Variants in SLC2A7 observed in about 807,000 individuals in gnomAD.
SLC2A7 encodes solute carrier family 2 member 7, also known as solute carrier family 2, facilitated glucose transporter member 7.
SLC2A7 carries 50 observed loss-of-function variants against 50.5 expected under a neutral mutation model. The ratio of observed to expected loss-of-function variants is 0.99; its 90% CI spans 0.79 to 1.25. The LOEUF (loss-of-function observed/expected upper bound fraction) is 1.25, where lower values mean the gene tolerates loss of function less well. Ranked by LOEUF, SLC2A7 falls within the 50% of genes most tolerant of loss-of-function variation. The pLI is 0.00. For synonymous variants in SLC2A7, 308 were observed against 300.4 expected, an observed-to-expected ratio of 1.03 and a Z score of -0.26; for missense variants, 683 against 679.1, an observed-to-expected ratio of 1.01 and a Z score of -0.06.
At chr1:8,995,316 C>T in the SLC2A7 span, among the ~76,000 whole-genome samples, 23,568 of 151,222 alleles carry the variant, frequency 0.16, 1,951 homozygotes, top group Middle Eastern at 0.29. Context: ...GGCATGGTGG[C>T]GGGCGCCTGT....
chr1:8,992,744 T>C, the SLC2A7 span, among the ~76,000 whole-genome samples: 1 of 151,710 alleles, frequency 6.6e-6, no homozygotes, highest in African/African-American at 2.4e-5. Context: ...GGATCCAGAG[T>C]GTGGCATCAG....
rs1557652236 is a variant in SLC2A7 at position 9,019,350 on chromosome 1, CCCAGAGGGCAGGGGTG to C, written c.312-33_312-18del. The stretch of plus-strand genomic sequence containing the variant: ...GTCCCCTTTCTGCAAAGACAGTGAG[CCCAGAGGGCAGGGGTG>C]CGTGGAGGCCGCGGAAGCCCTCCCA... On this transcript the variant is annotated intron_variant, in intron 3 of 11. Coordinates refer to ENST00000400906, the MANE Select transcript of SLC2A7 (RefSeq NM_207420.3). The C allele has an allele frequency of 6.2e-7, 1 of 1,613,218 alleles. No individual in the cohort carries two copies. The highest frequency in any genetic ancestry group is 2.2e-5 in the East Asian group (1 of 44,862).
intron 5 of SLC2A7, among the ~76,000 whole-genome samples, chr1:9,016,702 A>C (rs1302973835): frequency 6.6e-6 from 1 of 152,068 alleles, no homozygotes; most frequent in Non-Finnish European, 1.5e-5. Context: ...GAAGGAAAAC[A>C]AAAAGGAAAG....
intron 9 of SLC2A7, among the ~76,000 whole-genome samples, chr1:9,007,961 C>T (rs2039631): frequency 0.13 from 19,701 of 151,914 alleles, 2,165 homozygotes; most frequent in African/African-American, 0.3. Context: ...GAATACAGAC[C>T]ATGAGGAACC....
chr1:8,995,236 C>T, the SLC2A7 span, among the ~76,000 whole-genome samples: 2 of 151,288 alleles, frequency 1.3e-5, no homozygotes, highest in African/African-American at 4.9e-5. Flanking sequence ...ATCACGAGAT[C>T]AGGAGATCGA....
intron 2 of SLC2A7, among the ~76,000 whole-genome samples, chr1:9,024,495 A>G (rs1311617250): frequency 6.6e-6 from 1 of 152,218 alleles, no homozygotes; most frequent in Non-Finnish European, 1.5e-5. Context: ...TCATCAGCAC[A>G]GGCTGTCCCT....
Position 9,018,215 on chromosome 1 carries a change from C to T in SLC2A7, c.589+8G>A. ...GGACCTAGCGTGACCTCTGCGGCTGCCGGTTACCTGCCGGGTTGCCCAAGA... is the reference window on the plus strand; with the variant it reads ...GGACCTAGCGTGACCTCTGCGGCTGTCGGTTACCTGCCGGGTTGCCCAAGA... On this transcript the variant is annotated splice_region_variant and intron_variant, in intron 5 of 11. Transcript: ENST00000400906. 1 of 1,613,990 alleles carries T rather than the reference C, an allele frequency of 6.2e-7. No individual in the cohort carries two copies. The highest frequency in any genetic ancestry group is 8.5e-7 in the Non-Finnish European group (1 of 1,179,978).
chr1:9,000,280 C>T (rs1396533574), downstream of SLC2A7, among the ~76,000 whole-genome samples: 1 of 152,048 alleles, frequency 6.6e-6, no homozygotes, highest in Admixed American at 6.6e-5. Context: ...CCATGATTGC[C>T]ACTGCACTCC....
At chr1:9,011,967 C>A (rs1640756768) in intron 8 of SLC2A7, among the ~76,000 whole-genome samples, 1 of 151,930 alleles carries the variant, frequency 6.6e-6, no homozygotes. Flanking sequence ...CCAGGCTGGT[C>A]TCGAACTCCT....
At chr1:9,018,419 G>A (rs770199284) in intron 4 of SLC2A7, 44 bp from the exon 5 acceptor site, 19 of 1,609,080 alleles carry the variant, frequency 1.2e-5, no homozygotes, top group Middle Eastern at 1.7e-4. Flanking sequence ...AACCGCAAAC[G>A]CAGAATCTGA....
chr1:9,003,496 A>C lies in SLC2A7; in HGVS notation c.1343T>G (p.Phe448Cys). The C allele has an allele frequency of 6.2e-7, 1 of 1,614,218 alleles. No individual in the cohort carries two copies. Among genetic ancestry groups the C allele is most frequent in the South Asian group, 1.1e-5 (1 of 91,090 alleles). ...SIQEAIGAYS[F>C]IIFAGICLLT... ...GAGGCAGATTCCGGCAAAGATGATGAAACTGTAGGCACCGATGGCCTCCTA... is the reference window on the plus strand; with the variant it reads ...GAGGCAGATTCCGGCAAAGATGATGCAACTGTAGGCACCGATGGCCTCCTA... The change falls in exon 12 of 12, where the codon TTC becomes TGC. Residue 448 changes from phenylalanine to cysteine, a missense_variant. Physicochemically the swap from Phe to Cys is radical, Grantham distance 205 (BLOSUM62 -2). Transcript: ENST00000400906.
chr1:8,997,951 T>A, the SLC2A7 span, among the ~76,000 whole-genome samples: 2 of 152,216 alleles, frequency 1.3e-5, no homozygotes, highest in East Asian at 3.8e-4. Flanking sequence ...AGTTTTATAA[T>A]TTAAGGTTTT....
chr1:9,010,118 C>T (rs1426411493), intron 9 of SLC2A7, 25 bp downstream of exon 9: 13 of 1,549,680 alleles, frequency 8.4e-6, no homozygotes, highest in South Asian at 1.2e-5. Context: ...ACTCCCCACC[C>T]AGGGGGCAGG....
chr1:9,004,646 G>A, intron 11 of SLC2A7, 106 bp downstream of exon 11: 2 of 1,410,760 alleles, frequency 1.4e-6, no homozygotes, highest in Non-Finnish European at 9.8e-7. Flanking sequence ...GTGTCTGAGA[G>A]CCTGTCCCCA....
chr1:9,004,677 T>C (rs1023425422), intron 11 of SLC2A7, 75 bp downstream of exon 11: 49 of 1,558,772 alleles, frequency 3.1e-5, no homozygotes, highest in Non-Finnish European at 4.2e-5. Context: ...TTCACAGATG[T>C]GCTTAGCGGA....
At chr1:9,016,595 T>G (rs1569800063) in intron 5 of SLC2A7, among the ~76,000 whole-genome samples, 1 of 131,426 alleles carries the variant, frequency 7.6e-6, no homozygotes, top group African/African-American at 2.9e-5. Flanking sequence ...GGTGACAGAG[T>G]GAGACCAGGA....
intron 3 of SLC2A7, among the ~76,000 whole-genome samples, chr1:9,020,621 G>A (rs1225418578): frequency 6.7e-6 from 1 of 150,168 alleles, no homozygotes; most frequent in Non-Finnish European, 1.5e-5. Flanking sequence ...CCAGAAAGAG[G>A]GCAGAGAGCT....
At chr1:9,009,549 C>A (rs1640711343) in intron 9 of SLC2A7, among the ~76,000 whole-genome samples, 1 of 152,198 alleles carries the variant, frequency 6.6e-6, no homozygotes, top group Non-Finnish European at 1.5e-5. Flanking sequence ...CTTGACCTCC[C>A]AGGCTCAGGT....
the SLC2A7 span, among the ~76,000 whole-genome samples, chr1:8,995,100 G>A: frequency 1.3e-5 from 2 of 150,814 alleles, no homozygotes; most frequent in South Asian, 2.1e-4. Context: ...AAGGTCACAC[G>A]TCTCCCCACC....
Sources: gnomAD v4.1 joint callset for allele counts (sites outside exome capture counted in the v4.1 genomes callset) on GRCh38, gnomAD v4.1.1 for gene constraint, MANE v1.5 for transcripts, NCBI Gene and HGNC (gene_info 2026-07-23, HGNC 2026-07-21) for gene names.